Variants in CELA2A observed in about 807,000 individuals in gnomAD.
The protein encoded by CELA2A is chymotrypsin-like elastase family member 2A.
CELA2A carries 31 observed loss-of-function variants against 35.3 expected under a neutral mutation model. That is an observed-to-expected ratio of 0.88 (90% CI 0.66 to 1.19). The LOEUF is 1.19. Among genes scored for constraint, CELA2A ranks in the 50% most tolerant of loss-of-function variants. The probability of loss-of-function intolerance (pLI) is 0.00; values close to 1 mark genes in which losing one functional copy is unlikely to be tolerated. For missense variants in CELA2A, 330 were observed against 352.9 expected, an observed-to-expected ratio of 0.94 and a Z score of 0.52; for synonymous variants, 150 against 149.8, an observed-to-expected ratio of 1.00 and a Z score of -0.01.
chr1:15,458,279 C>T (rs1708387333), intron 2 of CELA2A, among the ~76,000 whole-genome samples: 1 of 151,958 alleles, frequency 6.6e-6, no homozygotes, highest in African/African-American at 2.4e-5. Context: ...TGAGCCCATC[C>T]AATCTTTCCA....
chr1:15,463,890 A>T (rs941883324), intron 5 of CELA2A, among the ~76,000 whole-genome samples: 22 of 131,446 alleles, frequency 1.7e-4, no homozygotes, highest in African/African-American at 2.8e-4. Context: ...TAAAAATATT[A>T]AAAAAAAAAA....
intron 3 of CELA2A, 150 bp from the exon 4 acceptor site, chr1:15,462,583 A>G (rs1708450231): frequency 6.7e-6 from 6 of 893,472 alleles, no homozygotes; most frequent in Non-Finnish European, 1.0e-5. Flanking sequence ...TTTAGGCCCT[A>G]TTATAACTAA....
At position 15,466,033 on chromosome 1, in the gene CELA2A, C is replaced by T; in HGVS notation, c.528C>T (p.Gly176=). The T allele has an allele frequency of 6.2e-7, 1 of 1,614,132 alleles. No individual in the cohort carries two copies. The highest frequency in any genetic ancestry group is 8.5e-7 in the Non-Finnish European group (1 of 1,180,030). The change falls in exon 6 of 8, where the codon GGC becomes GGT. Residue 176 remains glycine (G), a synonymous_variant. Transcript: ENST00000359621. ...NGAVPDVLQQ[G]RLLVVDYATC... ...CTGTTCCTGATGTCCTGCAGCAGGGCCGGTTGCTGGTTGTGGACTATGCCA... is the reference window on the plus strand; with the variant it reads ...CTGTTCCTGATGTCCTGCAGCAGGGTCGGTTGCTGGTTGTGGACTATGCCA...
At chr1:15,462,916 G>T in intron 4 of CELA2A, 55 bp downstream of exon 4, 2 of 1,611,864 alleles carry the variant, frequency 1.2e-6, no homozygotes, top group East Asian at 2.2e-5. Flanking sequence ...ACAGATGGGG[G>T]TCTCACAGAG....
intron 3 of CELA2A, among the ~76,000 whole-genome samples, chr1:15,462,508 T>C (rs7552327): frequency 0.27 from 41,396 of 152,142 alleles, 5,851 homozygotes; most frequent in Middle Eastern, 0.42. Flanking sequence ...ACTTTTATTT[T>C]ATATTGTAGT....
rs555114414 is a variant in CELA2A at position 15,463,889 on chromosome 1, T to TA, written c.493+381dup. Among the ~76,000 whole-genome samples the TA allele has an allele frequency of 4.3e-3, 619 of 142,356 alleles. 2 individuals carry two copies. The highest frequency in any genetic ancestry group is 0.011 in the South Asian group (50 of 4,428). The allele number at this position is 142,356 out of a possible 152,430, so 93.4% of individuals were successfully genotyped here. A position where few individuals can be genotyped will look rare whatever the true frequency, so the allele number is the denominator to read the frequency against. ...GAAACTCTGTCTCTACTAAAAATAT[T>TA]AAAAAAAAAAAAAATAGCAGGATGT... On this transcript the variant is annotated intron_variant, in intron 5 of 7. Transcript: ENST00000359621.
At chr1:15,471,568 T>TA (rs953003558) in intron 7 of CELA2A, among the ~76,000 whole-genome samples, 386 of 135,164 alleles carry the variant, frequency 2.9e-3, no homozygotes, top group Non-Finnish European at 4.5e-3. Context: ...AACAAACAAA[T>TA]AAAAAAAAAA....
In CELA2A at chr1:15,462,793, C is replaced by T; in HGVS notation, c.288C>T (p.Gly96=). 1 of 1,614,144 alleles carries T rather than the reference C, an allele frequency of 6.2e-7. No homozygotes were observed. The highest frequency in any genetic ancestry group is 8.5e-7 in the Non-Finnish European group (1 of 1,180,034). ...GRHNLYVAES[G]SLAVSVSKIV... ...ACAACCTCTACGTTGCGGAGTCCGG[C>T]TCGCTGGCAGTCAGTGTCTCTAAGA... The change falls in exon 4 of 8, where the codon GGC becomes GGT. Residue 96 remains glycine, a synonymous_variant. Transcript: ENST00000359621.
chr1:15,463,227 A>C (rs1570798080), intron 4 of CELA2A, among the ~76,000 whole-genome samples, 159 bp from the exon 5 acceptor site: 1 of 152,246 alleles, frequency 6.6e-6, no homozygotes, highest in East Asian at 1.9e-4. Flanking sequence ...CCTTTCAACA[A>C]GGCCCTCTGC....
chr1:15,460,487 G>A lies in CELA2A; in HGVS notation c.130-1074G>A, dbSNP rs1467194719. 2.6e-5 allele frequency among the ~76,000 whole-genome samples: 4 copies of A among 152,066 alleles called. No individual in the cohort carries two copies. In the East Asian group the frequency reaches 7.7e-4, roughly 29 times the overall value. ...CAGGTCATCGTTCCCCACAGTTATA[G>A]GGAGCCCGATCAGAGCAGTCCATGC... On this transcript the variant is annotated intron_variant, in intron 2 of 7. Transcript: ENST00000359621.
At chr1:15,468,848 C>T (rs536630983) in intron 7 of CELA2A, among the ~76,000 whole-genome samples, 15 of 151,922 alleles carry the variant, frequency 9.9e-5, no homozygotes, top group African/African-American at 2.7e-4. Context: ...CATGGATACA[C>T]GCAGCAGTAG....
At chr1:15,469,661 G>T (rs528200221) in intron 7 of CELA2A, among the ~76,000 whole-genome samples, 3 of 152,266 alleles carry the variant, frequency 2.0e-5, no homozygotes, top group Middle Eastern at 3.4e-3. Flanking sequence ...TTCCAAAGAC[G>T]TTTGTTGGAC....
chr1:15,463,389 C>T lies in CELA2A; in HGVS notation c.360C>T (p.Asn120=), dbSNP rs369588455. 2.4e-5 allele frequency: 38 copies of T among 1,613,578 alleles called. No individual in the cohort carries two copies. In the East Asian group the frequency reaches 2.4e-4, roughly 10 times the overall value. Residue 120 remains asparagine (N), a synonymous_variant, in exon 5 of 8, where the codon AAC becomes AAT. Coordinates refer to ENST00000359621, the MANE Select transcript of CELA2A (RefSeq NM_033440.3). ...DWNSNQISKG[N]DIALLKLANP... ...CTTCGCCTCCACACTCACCCAGGAA[C>T]GACATTGCCCTGCTCAAACTGGCTA...
chr1:15,463,021 G>A (rs2103302653), intron 4 of CELA2A, 160 bp downstream of exon 4: 2 of 1,164,522 alleles, frequency 1.7e-6, no homozygotes, highest in Non-Finnish European at 2.5e-6. Context: ...CTCCAAAGAT[G>A]TCTGGGGTGG....
chr1:15,465,159 G>A (rs1203550869), intron 5 of CELA2A, among the ~76,000 whole-genome samples: 1 of 151,720 alleles, frequency 6.6e-6, no homozygotes, highest in Non-Finnish European at 1.5e-5. Flanking sequence ...TTATAGGCGA[G>A]TGCCACCATG....
rs377663645 is a variant in CELA2A, at chr1:15,461,641, G to A, written c.210G>A (p.Thr70=). The change falls in exon 3 of 8, where the codon ACG becomes ACA. Residue 70 remains threonine, a synonymous_variant. Coordinates refer to ENST00000359621, the MANE Select transcript of CELA2A (RefSeq NM_033440.3). ...TGATAGCCAACAGCTGGGTCCTGACGGCTGCCCACTGCATCAGGTAACTGC... is the reference window on the plus strand; with the variant it reads ...TGATAGCCAACAGCTGGGTCCTGACAGCTGCCCACTGCATCAGGTAACTGC... The part of the protein sequence containing the change: ...GSLIANSWVL[T]AAHCISSSRT... 167 of 1,613,584 alleles carry A rather than the reference G, an allele frequency of 1.0e-4. No homozygotes were observed. The highest frequency in any genetic ancestry group is 1.2e-4 in the Non-Finnish European group (143 of 1,180,056).
intron 2 of CELA2A, among the ~76,000 whole-genome samples, chr1:15,459,947 C>CAAAAAAAAAAAAA (rs80212453): frequency 1.0e-5 from 1 of 95,458 alleles, no homozygotes. Flanking sequence ...ATAGCCATCT[C>CAAAAAAAAAAAAA]AAAAAAAAAA....
chr1:15,467,645 C>T, intron 7 of CELA2A, 107 bp downstream of exon 7: 1 of 1,395,210 alleles, frequency 7.2e-7, no homozygotes, highest in Non-Finnish European at 9.8e-7. Flanking sequence ...CTCTTGAGAG[C>T]TAGATGGGAA....
intron 5 of CELA2A, among the ~76,000 whole-genome samples, chr1:15,463,732 T>A (rs1420507820): frequency 6.6e-6 from 1 of 152,146 alleles, no homozygotes; most frequent in Non-Finnish European, 1.5e-5. Flanking sequence ...GGTCTCTCCA[T>A]GCAGCACTTT....
Sources: gnomAD v4.1 joint callset for allele counts (sites outside exome capture counted in the v4.1 genomes callset) on GRCh38, gnomAD v4.1.1 for gene constraint, MANE v1.5 for transcripts, NCBI Gene and HGNC (gene_info 2026-07-23, HGNC 2026-07-21) for gene names.